Variants in COL23A1 observed in about 807,000 individuals in gnomAD.
COL23A1 encodes collagen alpha-1(XXIII) chain.
A neutral mutation model predicts 99.3 loss-of-function variants in COL23A1; 97 were observed. The observed-to-expected ratio is 0.98, with a 90% confidence interval of 0.83 to 1.16. COL23A1 has a LOEUF of 1.16. Among genes scored for constraint, COL23A1 ranks in the 50% most tolerant of loss-of-function variants. The pLI is 0.00. For missense variants in COL23A1, 762 were observed against 757.4 expected, an observed-to-expected ratio of 1.01 and a Z score of -0.07; for synonymous variants, 320 against 308.2, an observed-to-expected ratio of 1.04 and a Z score of -0.40.
intron 2 of COL23A1, among the ~76,000 whole-genome samples, chr5:178,385,896 T>C (rs1763644302): frequency 6.6e-6 from 1 of 152,200 alleles, no homozygotes; most frequent in African/African-American, 2.4e-5. Context: ...GTCTGGGATT[T>C]CATACAATAT....
intron 2 of COL23A1, among the ~76,000 whole-genome samples, chr5:178,462,007 G>A (rs1054742179): frequency 1.3e-5 from 2 of 152,190 alleles, no homozygotes; most frequent in Non-Finnish European, 2.9e-5. Flanking sequence ...ACTGCAAATT[G>A]GTTTTGAGTT....
intron 2 of COL23A1, among the ~76,000 whole-genome samples, chr5:178,408,682 C>T (rs1036066696): frequency 2.6e-5 from 4 of 151,966 alleles, no homozygotes; most frequent in African/African-American, 7.2e-5. Context: ...AGGCCAGGCG[C>T]GGTGGCTCAC....
chr5:178,274,725 C>T (rs917164505), intron 5 of COL23A1, among the ~76,000 whole-genome samples: 2 of 152,192 alleles, frequency 1.3e-5, no homozygotes, highest in Non-Finnish European at 1.5e-5. Flanking sequence ...GCTCACAGAG[C>T]GAAGGCCAGG....
intron 2 of COL23A1, chr5:178,344,863 T>A: frequency 1.3e-6 from 1 of 753,418 alleles, no homozygotes; most frequent in Non-Finnish European, 2.3e-6. Flanking sequence ...GATCTGTGTC[T>A]GGCATTACCA....
intron 2 of COL23A1, among the ~76,000 whole-genome samples, chr5:178,555,589 C>T (rs262013): frequency 0.074 from 11,239 of 152,104 alleles, 1,042 homozygotes; most frequent in African/African-American, 0.22. Context: ...TTTCCTTTTT[C>T]GCTTTATTAG....
At chr5:178,330,180 T>C (rs577549716) in intron 2 of COL23A1, among the ~76,000 whole-genome samples, 1 of 152,226 alleles carries the variant, frequency 6.6e-6, no homozygotes, top group Non-Finnish European at 1.5e-5. Flanking sequence ...CTGCCCTCCC[T>C]GCAGAAGAAG....
chr5:178,347,890 A>AC (rs1561884057), intron 2 of COL23A1, among the ~76,000 whole-genome samples: 2 of 146,466 alleles, frequency 1.4e-5, no homozygotes, highest in East Asian at 2.0e-4. Flanking sequence ...AAAAAAAAAA[A>AC]AAAAAAACCC....
intron 2 of COL23A1, among the ~76,000 whole-genome samples, chr5:178,320,468 C>T (rs768860440): frequency 2.6e-5 from 4 of 152,350 alleles, no homozygotes; most frequent in Admixed American, 6.5e-5. Context: ...GCAGGTCCCA[C>T]GCGGCCCCCA....
chr5:178,358,938 G>A (rs1220243876), intron 2 of COL23A1, among the ~76,000 whole-genome samples: 1 of 152,160 alleles, frequency 6.6e-6, no homozygotes, highest in East Asian at 1.9e-4. Flanking sequence ...ACCTTTACAT[G>A]ACTGTAGTTA....
intron 2 of COL23A1, among the ~76,000 whole-genome samples, chr5:178,375,798 C>T (rs1016547094): frequency 6.6e-6 from 1 of 152,222 alleles, no homozygotes; most frequent in Non-Finnish European, 1.5e-5. Context: ...ACCTCCGCCT[C>T]CCAGGTTCAA....
At chr5:178,532,138 A>C (rs1760683882) in intron 2 of COL23A1, among the ~76,000 whole-genome samples, 1 of 152,236 alleles carries the variant, frequency 6.6e-6, no homozygotes, top group Non-Finnish European at 1.5e-5. Context: ...CCAAGATCTG[A>C]GTGACCTCCA....
chr5:178,242,734 G>T (rs777015879), intron 25 of COL23A1, among the ~76,000 whole-genome samples: 5 of 152,214 alleles, frequency 3.3e-5, no homozygotes, highest in Admixed American at 2.6e-4. Flanking sequence ...AACCATGGAA[G>T]TTATGTCACT....
chr5:178,461,058 G>T (rs1756094732), intron 2 of COL23A1, among the ~76,000 whole-genome samples: 1 of 152,326 alleles, frequency 6.6e-6, no homozygotes, highest in African/African-American at 2.4e-5. Flanking sequence ...ACAGAAACAA[G>T]CCACTTTACA....
intron 2 of COL23A1, among the ~76,000 whole-genome samples, chr5:178,556,889 G>A (rs1335013275): frequency 6.6e-6 from 1 of 152,012 alleles, no homozygotes; most frequent in Non-Finnish European, 1.5e-5. Context: ...GGAGGCAGAG[G>A]CTGCAGTGAG....
intron 2 of COL23A1, chr5:178,345,084 C>T: frequency 1.7e-6 from 1 of 590,344 alleles, no homozygotes; most frequent in South Asian, 1.5e-5. Context: ...TTTGGTTCAT[C>T]TCTTCCTGGT....
At chr5:178,536,963 C>T (rs1248362093) in intron 2 of COL23A1, among the ~76,000 whole-genome samples, 1 of 152,222 alleles carries the variant, frequency 6.6e-6, no homozygotes, top group African/African-American at 2.4e-5. Context: ...TAGGATCTGA[C>T]CCTGCAGAGC....
Position 178,384,773 on chromosome 5 carries a change from G to C in COL23A1, c.362-77854C>G, listed in dbSNP as rs1391092261. On this transcript the variant is annotated intron_variant, in intron 2 of 28. Coordinates refer to ENST00000390654, the MANE Select transcript of COL23A1 (RefSeq NM_173465.4). This position sits in a 1 kb window ranked among gnomAD's most constrained non-coding sequence, Gnocchi z 5.5. ...CCACCACGACCCTTGTACCACCCGG[G>C]GACGGCCCAGAACAGCCTGGGGCTT... Among the ~76,000 whole-genome samples the C allele has an allele frequency of 6.6e-6, 1 of 152,226 alleles. No individual in the cohort carries two copies. The highest frequency in any genetic ancestry group is 6.5e-5 in the Admixed American group (1 of 15,284).
chr5:178,535,253 C>T (rs1416688033), intron 2 of COL23A1, among the ~76,000 whole-genome samples: 1 of 152,186 alleles, frequency 6.6e-6, no homozygotes, highest in Non-Finnish European at 1.5e-5. Flanking sequence ...GGATTACAGG[C>T]GTGAGCCACC....
At chr5:178,400,624 AC>A (rs1335672747) in intron 2 of COL23A1, among the ~76,000 whole-genome samples, 1 of 151,380 alleles carries the variant, frequency 6.6e-6, no homozygotes, top group Non-Finnish European at 1.5e-5. Flanking sequence ...ACGGTGTGCA[AC>A]CATCACCACC....
Sources: gnomAD v4.1 joint callset for allele counts (sites outside exome capture counted in the v4.1 genomes callset) on GRCh38, gnomAD v4.1.1 for gene constraint, Gnocchi (gnomAD v3.1) non-coding constraint, MANE v1.5 for transcripts, NCBI Gene and HGNC (gene_info 2026-07-23, HGNC 2026-07-21) for gene names.